The following SLCO1B3 variants were observed in gnomAD, a reference collection of about 807,000 sequenced individuals.
SLCO1B3 encodes the protein liver-specific organic anion transporter 2.
In SLCO1B3, 72 loss-of-function variants were observed where a neutral mutation model predicts 71.8. That is an observed-to-expected ratio of 1.00 (90% CI 0.83 to 1.22). SLCO1B3 has a LOEUF of 1.22. Among genes scored for constraint, SLCO1B3 ranks in the 50% most tolerant of loss-of-function variants. SLCO1B3 has a pLI of 0.00. For missense variants in SLCO1B3, 911 were observed against 819.7 expected (o/e 1.11, Z -1.36); for synonymous variants, 298 against 278.4 (o/e 1.07, Z -0.70).
At chr12:20,851,705 G>A (rs12370919) in intron 3 of SLCO1B3, among the ~76,000 whole-genome samples, 1 of 152,004 alleles carries the variant, frequency 6.6e-6, no homozygotes, top group African/African-American at 2.4e-5. Context: ...TGTTGCCTGT[G>A]CTTTGGGTGT....
chr12:20,910,599 T>A (rs577489234), intron 15 of SLCO1B3, among the ~76,000 whole-genome samples: 16 of 152,308 alleles, frequency 1.1e-4, no homozygotes, highest in African/African-American at 3.6e-4. Context: ...ACATGGAATA[T>A]CACTTCATAT....
chr12:20,910,712 G>T (rs1028184698), intron 15 of SLCO1B3, among the ~76,000 whole-genome samples: 1 of 152,022 alleles, frequency 6.6e-6, no homozygotes, highest in Non-Finnish European at 1.5e-5. Context: ...ATTTTTGGGG[G>T]TGTTAACGTA....
intron 3 of SLCO1B3, among the ~76,000 whole-genome samples, chr12:20,849,415 G>A (rs4762796): frequency 0.72 from 109,827 of 151,784 alleles, 42,278 homozygotes; most frequent in South Asian, 0.88. Context: ...ACATGATAAG[G>A]GCATTTATGA....
At chr12:20,823,171 G>A (rs1387169587) in intron 3 of SLCO1B3, among the ~76,000 whole-genome samples, 2 of 152,094 alleles carry the variant, frequency 1.3e-5, no homozygotes, top group African/African-American at 4.8e-5. Context: ...TTGTCAGTAG[G>A]CACATATGAA....
chr12:20,829,250 T>C (rs1011063217), intron 3 of SLCO1B3, among the ~76,000 whole-genome samples: 3 of 152,226 alleles, frequency 2.0e-5, no homozygotes, highest in Non-Finnish European at 2.9e-5. Flanking sequence ...TCTTAACTTT[T>C]AGTAATTAAG....
chr12:20,871,495 G>A (rs1373476539), intron 8 of SLCO1B3, among the ~76,000 whole-genome samples: 1 of 152,062 alleles, frequency 6.6e-6, no homozygotes. Flanking sequence ...GGGCATTGAT[G>A]ACTTAGGTAT....
At chr12:20,824,780 T>C (rs1864386879) in intron 3 of SLCO1B3, among the ~76,000 whole-genome samples, 1 of 152,182 alleles carries the variant, frequency 6.6e-6, no homozygotes, top group South Asian at 2.1e-4. Flanking sequence ...ATATGTCTCT[T>C]TTGGACTTCC....
At chr12:20,876,323 A>G (rs1865577842) in intron 9 of SLCO1B3, among the ~76,000 whole-genome samples, 1 of 152,164 alleles carries the variant, frequency 6.6e-6, no homozygotes, top group African/African-American at 2.4e-5. Flanking sequence ...ATGGTAAGGT[A>G]TTGACAGCAG....
chr12:20,843,998 G>T (rs7305921), intron 3 of SLCO1B3, among the ~76,000 whole-genome samples: 109,902 of 151,692 alleles, frequency 0.72, 42,384 homozygotes, highest in South Asian at 0.9. Flanking sequence ...ATTGGAAAAT[G>T]TGCATTTATT....
chr12:20,861,548 A>T (rs1865266108), intron 6 of SLCO1B3, among the ~76,000 whole-genome samples: 1 of 152,192 alleles, frequency 6.6e-6, no homozygotes, highest in Non-Finnish European at 1.5e-5. Context: ...AAAAAGAACA[A>T]ATTTAGTAGG....
chr12:20,880,784 G>T, intron 11 of SLCO1B3, 71 bp from the exon 12 acceptor site: 6 of 1,019,728 alleles, frequency 5.9e-6, no homozygotes, highest in South Asian at 4.0e-5. Context: ...TTATCCCCTT[G>T]TCTCCCTCTT....
chr12:20,862,409 T>C lies in SLCO1B3; in HGVS notation c.482-3T>C. The C allele has an allele frequency of 6.2e-7, 1 of 1,606,586 alleles. No homozygotes were observed. Among genetic ancestry groups the C allele is most frequent in the Non-Finnish European group, 8.5e-7 (1 of 1,177,646 alleles). On this transcript the variant is annotated splice_region_variant and splice_polypyrimidine_tract_variant and intron_variant, in intron 6 of 15. Transcript: ENST00000381545. ...AAAGTAAAACACTCTCTTGTCTCGA[T>C]AGATTGTGTAAAGGAATCTGGGTCA...
At chr12:20,907,513 T>G (rs1349938518) in intron 15 of SLCO1B3, among the ~76,000 whole-genome samples, 1 of 133,860 alleles carries the variant, frequency 7.5e-6, no homozygotes, top group Non-Finnish European at 1.6e-5. Context: ...TTCCCTTCCT[T>G]TTTTTTTTTT....
At chr12:20,872,424 A>G (rs1432850487) in intron 8 of SLCO1B3, among the ~76,000 whole-genome samples, 5 of 151,788 alleles carry the variant, frequency 3.3e-5, no homozygotes, top group Non-Finnish European at 1.5e-5. Flanking sequence ...GCTCTGTTCT[A>G]CTGTAGCTGA....
At chr12:20,899,273 G>A (rs1006337002) in intron 14 of SLCO1B3, among the ~76,000 whole-genome samples, 3 of 152,102 alleles carry the variant, frequency 2.0e-5, no homozygotes, top group African/African-American at 7.2e-5. Flanking sequence ...CTCTGTGAGT[G>A]GTCCTTTGTA....
chr12:20,875,257 G>A lies in SLCO1B3; in HGVS notation c.750G>A (p.Lys250=). 1.2e-6 allele frequency: 2 copies of A among 1,613,052 alleles called. No homozygotes were observed. Among genetic ancestry groups the A allele is most frequent in the South Asian group, 1.1e-5 (1 of 90,796 alleles). The part of the protein sequence containing the change: ...VDLSTIRITP[K]DSRWVGAWWL... The stretch of plus-strand genomic sequence containing the variant: ...TAGGCACTATCAGAATAACTCCTAA[G>A]GACTCTCGTTGGGTTGGAGCTTGGT... Residue 250 remains lysine, a synonymous_variant, in exon 9 of 16, where the codon AAG becomes AAA. Coordinates refer to ENST00000381545, the MANE Select transcript of SLCO1B3 (RefSeq NM_019844.4).
At chr12:20,826,421 G>C (rs1231895836) in intron 3 of SLCO1B3, among the ~76,000 whole-genome samples, 2 of 149,670 alleles carry the variant, frequency 1.3e-5, no homozygotes, top group Non-Finnish European at 3.0e-5. Context: ...ATTTTATTAA[G>C]AGTGAATCAA....
At chr12:20,846,049 C>G (rs1052560179) in intron 3 of SLCO1B3, among the ~76,000 whole-genome samples, 1 of 151,742 alleles carries the variant, frequency 6.6e-6, no homozygotes, top group Non-Finnish European at 1.5e-5. Context: ...ATTCTTACAT[C>G]AGATAAAACA....
chr12:20,845,763 T>C (rs1052421802), intron 3 of SLCO1B3, among the ~76,000 whole-genome samples: 28 of 152,136 alleles, frequency 1.8e-4, no homozygotes, highest in Non-Finnish European at 1.5e-5. Flanking sequence ...TTTAAGTACA[T>C]TGTTTTTGTT....
Sources: allele counts gnomAD v4.1 joint callset (sites outside exome capture counted in the v4.1 genomes callset), GRCh38; gene constraint gnomAD v4.1.1; transcripts MANE v1.5; gene names NCBI Gene and HGNC (gene_info 2026-07-23, HGNC 2026-07-21).